The following GPC3 variants were observed in gnomAD, a reference collection of about 807,000 sequenced individuals.
The protein encoded by GPC3 is glypican-3.
A neutral mutation model predicts 34.4 loss-of-function variants in GPC3; 3 were observed. The ratio of observed to expected loss-of-function variants is 0.09; its 90% CI spans 0.04 to 0.23. The LOEUF (loss-of-function observed/expected upper bound fraction) is 0.23, where lower values mean the gene tolerates loss of function less well. GPC3 is among the 10% of genes least tolerant of loss of function. GPC3 has a pLI of 1.00. For synonymous variants in GPC3, 177 were observed against 174.0 expected (o/e 1.02, Z -0.13); for missense variants, 351 against 445.6 (o/e 0.79, Z 1.91).
chrX:133,902,100 TA>T (rs1243523075), intron 2 of GPC3, among the ~76,000 whole-genome samples: 6 of 112,466 alleles, frequency 5.3e-5, no homozygotes, highest in Middle Eastern at 4.6e-3. Flanking sequence ...GCCATCTAAA[TA>T]AAAGAATCTG....
chrX:133,706,032 A>T (rs1258849432), intron 3 of GPC3, among the ~76,000 whole-genome samples: 2 of 111,880 alleles, frequency 1.8e-5, no homozygotes, highest in Non-Finnish European at 3.8e-5. Flanking sequence ...TGGGTTGGCT[A>T]CAAAATCTTC....
chrX:133,540,830 C>T (rs1391867917), intron 7 of GPC3, among the ~76,000 whole-genome samples: 2 of 110,157 alleles, frequency 1.8e-5, no homozygotes, highest in East Asian at 5.7e-4. Flanking sequence ...CCAAAATCAC[C>T]AAGCTCAGAG....
At chrX:133,601,635 T>A (rs759680299) in intron 6 of GPC3, among the ~76,000 whole-genome samples, 1 of 112,324 alleles carries the variant, frequency 8.9e-6, no homozygotes, top group South Asian at 3.7e-4. Flanking sequence ...TAAACAAAAA[T>A]GTAATCATCA....
chrX:133,783,757 T>C (rs2072074139), intron 2 of GPC3, among the ~76,000 whole-genome samples: 1 of 112,399 alleles, frequency 8.9e-6, no homozygotes, highest in Non-Finnish European at 1.9e-5. Flanking sequence ...TTGCTCTCCC[T>C]CATTACCATG....
intron 3 of GPC3, among the ~76,000 whole-genome samples, chrX:133,737,899 T>A (rs1288150691): frequency 8.9e-6 from 1 of 111,776 alleles, no homozygotes; most frequent in East Asian, 2.8e-4. Context: ...GGGGCAATGA[T>A]AACATTAAGT....
At chrX:133,776,283 C>T (rs1569430340) in intron 2 of GPC3, among the ~76,000 whole-genome samples, 1 of 111,321 alleles carries the variant, frequency 9.0e-6, no homozygotes, top group Non-Finnish European at 1.9e-5. Flanking sequence ...ATGACTGGCG[C>T]CCCCTCCTGG....
At chrX:133,810,477 G>A (rs1337036199) in intron 2 of GPC3, among the ~76,000 whole-genome samples, 1 of 111,731 alleles carries the variant, frequency 9.0e-6, no homozygotes, top group Non-Finnish European at 1.9e-5. Flanking sequence ...AGAGGAGCCT[G>A]GGATTCTGAC....
intron 1 of GPC3, among the ~76,000 whole-genome samples, chrX:133,958,250 G>C (rs1201640729): frequency 1.8e-5 from 2 of 112,018 alleles, no homozygotes; most frequent in Non-Finnish European, 3.8e-5. Flanking sequence ...TCTAAGAAGA[G>C]CAAGTGGAGT....
intron 2 of GPC3, among the ~76,000 whole-genome samples, chrX:133,882,840 T>A (rs935574810): frequency 5.4e-5 from 6 of 111,377 alleles, no homozygotes; most frequent in African/African-American, 2.0e-4. Flanking sequence ...ATCCAATCCC[T>A]TGAGAATCTT....
At chrX:133,669,219 C>G (rs1841636138) in intron 5 of GPC3, among the ~76,000 whole-genome samples, 1 of 112,248 alleles carries the variant, frequency 8.9e-6, no homozygotes, top group African/African-American at 3.2e-5. Flanking sequence ...ACCACCACCA[C>G]CATCCATGCC....
chrX:133,540,112 C>T (rs1307960690), intron 7 of GPC3, among the ~76,000 whole-genome samples: 2 of 112,349 alleles, frequency 1.8e-5, no homozygotes, highest in Non-Finnish European at 3.8e-5. Context: ...ACAAGCAAAA[C>T]ACCTCGGGGA....
chrX:133,734,441 A>C (rs944943353), intron 3 of GPC3, among the ~76,000 whole-genome samples: 1 of 111,246 alleles, frequency 9.0e-6, no homozygotes, highest in African/African-American at 3.3e-5. Flanking sequence ...ACTATACTTA[A>C]TGGGAAAAGA....
intron 1 of GPC3, among the ~76,000 whole-genome samples, chrX:133,959,940 T>G (rs2076434756): frequency 8.9e-6 from 1 of 111,948 alleles, no homozygotes; most frequent in African/African-American, 3.2e-5. Context: ...TCACTTAAAA[T>G]GAGTGCATCT....
intron 2 of GPC3, among the ~76,000 whole-genome samples, chrX:133,831,476 A>G: frequency 8.9e-6 from 1 of 112,304 alleles, no homozygotes; most frequent in South Asian, 3.7e-4. Context: ...CACACCTGTA[A>G]TCCCAGCACT....
chrX:133,556,141 C>T (rs2069486992), intron 7 of GPC3, among the ~76,000 whole-genome samples: 1 of 111,745 alleles, frequency 8.9e-6, no homozygotes, highest in Non-Finnish European at 1.9e-5. Context: ...GTGACAGCTC[C>T]CCTGTTTTGT....
chrX:133,934,410 G>C (rs1262585315), intron 2 of GPC3, among the ~76,000 whole-genome samples: 3 of 109,152 alleles, frequency 2.7e-5, no homozygotes, highest in Non-Finnish European at 5.7e-5. Flanking sequence ...GGTCAGGCTG[G>C]TCTCAAACTC....
At chrX:133,946,990 C>T in intron 2 of GPC3, among the ~76,000 whole-genome samples, 1 of 111,696 alleles carries the variant, frequency 9.0e-6, no homozygotes, top group East Asian at 2.8e-4. Context: ...TTTCTACCTC[C>T]ACTCTACTGA....
At chrX:133,661,915 G>A (rs1603215934) in intron 5 of GPC3, 65 bp from the exon 6 acceptor site, 1 of 1,176,751 alleles carries the variant, frequency 8.5e-7, no homozygotes, top group East Asian at 3.1e-5. Flanking sequence ...AAAGCTGACT[G>A]TATTTGGCAT....
intron 6 of GPC3, among the ~76,000 whole-genome samples, chrX:133,615,149 T>C (rs2070147960): frequency 9.0e-6 from 1 of 111,583 alleles, no homozygotes; most frequent in African/African-American, 3.3e-5. Flanking sequence ...CTCCACAAAA[T>C]TTTCAAAAAA....
Sources: gnomAD v4.1 joint callset for allele counts (sites outside exome capture counted in the v4.1 genomes callset) on GRCh38, gnomAD v4.1.1 for gene constraint, MANE v1.5 for transcripts, NCBI Gene and HGNC (gene_info 2026-07-23, HGNC 2026-07-21) for gene names.